The following CSMD1 variants were observed in gnomAD, a reference collection of about 807,000 sequenced individuals.
The protein encoded by CSMD1 is CUB and Sushi multiple domains 1, also known as CUB and sushi domain-containing protein 1.
In CSMD1, 213 loss-of-function variants were observed where a neutral mutation model predicts 417.5. That is an observed-to-expected ratio of 0.51 (90% CI 0.46 to 0.57). The LOEUF (loss-of-function observed/expected upper bound fraction) is 0.57, where lower values mean the gene tolerates loss of function less well. Ranked by LOEUF, CSMD1 falls within the 20% of genes least tolerant of loss-of-function variation. The pLI is 0.00. For synonymous variants in CSMD1, 2,862 were observed against 1,736.8 expected (o/e 1.65, Z -16.11); for missense variants, 6,923 against 4,529.7 (o/e 1.53, Z -15.17).
Position 3,348,840 on chromosome 8 carries a change from C to A in CSMD1, c.3305-679G>T, listed in dbSNP as rs577295297. 5.9e-5 allele frequency among the ~76,000 whole-genome samples: 9 copies of A among 152,340 alleles called. No homozygotes were observed. In the South Asian group the frequency reaches 6.2e-4, roughly 11 times the overall value. ...GGTAAAAGTGAAAATACATACAACT[C>A]TCTACTTTCTGTCAACCTGGAGAAA... On this transcript the variant is annotated intron_variant, in intron 21 of 69. Coordinates refer to ENST00000635120, the MANE Select transcript of CSMD1 (RefSeq NM_033225.6).
chr8:4,905,736 C>T (rs577735402), intron 1 of CSMD1, among the ~76,000 whole-genome samples: 234 of 144,846 alleles, frequency 1.6e-3, no homozygotes, highest in Admixed American at 9.4e-3. Context: ...AGGAGAATGG[C>T]GTGAAACCGG....
At chr8:4,506,849 T>C (rs1802551824) in intron 2 of CSMD1, among the ~76,000 whole-genome samples, 1 of 152,248 alleles carries the variant, frequency 6.6e-6, no homozygotes, top group Non-Finnish European at 1.5e-5. Flanking sequence ...CCATGTCTTA[T>C]ATTTGTACGA....
chr8:4,891,777 C>G (rs1243359144), intron 1 of CSMD1, among the ~76,000 whole-genome samples: 1 of 152,046 alleles, frequency 6.6e-6, no homozygotes, highest in Admixed American at 6.5e-5. Context: ...TTCAGTCAAG[C>G]AATTATTTAG....
At chr8:4,158,949 C>T (rs1584930349) in intron 3 of CSMD1, among the ~76,000 whole-genome samples, 1 of 152,176 alleles carries the variant, frequency 6.6e-6, no homozygotes. Context: ...CAGTTTCACT[C>T]TTGTTGCCCA....
chr8:4,277,686 G>A (rs150211463), intron 3 of CSMD1, among the ~76,000 whole-genome samples: 1 of 152,090 alleles, frequency 6.6e-6, no homozygotes, highest in Non-Finnish European at 1.5e-5. Context: ...ACAAGCGACA[G>A]AATTTAAGAA....
intron 1 of CSMD1, among the ~76,000 whole-genome samples, chr8:4,845,373 T>C (rs1004113298): frequency 2.6e-5 from 4 of 152,214 alleles, no homozygotes; most frequent in African/African-American, 4.8e-5. Flanking sequence ...ACACACACCA[T>C]ACATGGGATG....
At chr8:3,832,571 C>G (rs529334624) in intron 5 of CSMD1, among the ~76,000 whole-genome samples, 5 of 151,788 alleles carry the variant, frequency 3.3e-5, no homozygotes, top group Non-Finnish European at 5.9e-5. Flanking sequence ...CATTTCAAGA[C>G]GTAAAAAAAC....
chr8:4,940,678 A>T (rs4621821), intron 1 of CSMD1, among the ~76,000 whole-genome samples: 76,172 of 151,816 alleles, frequency 0.5, 20,288 homozygotes, highest in East Asian at 0.79. Flanking sequence ...ACAAACCAAT[A>T]CCTTACAAGA....
intron 1 of CSMD1, among the ~76,000 whole-genome samples, chr8:4,903,096 T>G (rs1805002279): frequency 6.6e-6 from 1 of 151,994 alleles, no homozygotes; most frequent in South Asian, 2.1e-4. Context: ...AGCCATACAC[T>G]GTTCCACTGA....
At chr8:2,967,459 C>T (rs1804064991) in intron 57 of CSMD1, among the ~76,000 whole-genome samples, 1 of 152,206 alleles carries the variant, frequency 6.6e-6, no homozygotes, top group Admixed American at 6.5e-5. Flanking sequence ...ATTTTTTACG[C>T]TCTTTAGTCA....
chr8:4,507,768 C>G (rs964095856), intron 2 of CSMD1, among the ~76,000 whole-genome samples: 2 of 152,114 alleles, frequency 1.3e-5, no homozygotes, highest in Non-Finnish European at 1.5e-5. Flanking sequence ...TGATGATTGT[C>G]TATAAGAGTT....
At chr8:4,592,978 G>A (rs549339747) in intron 2 of CSMD1, among the ~76,000 whole-genome samples, 46 of 152,184 alleles carry the variant, frequency 3.0e-4, no homozygotes, top group African/African-American at 1.1e-3. Flanking sequence ...TGTTTTCTCA[G>A]GCTTTCCTGT....
intron 2 of CSMD1, among the ~76,000 whole-genome samples, chr8:4,459,701 G>T (rs529248381): frequency 1.3e-5 from 2 of 152,164 alleles, no homozygotes; most frequent in Non-Finnish European, 2.9e-5. Flanking sequence ...ATGGAGCCCA[G>T]AGCAAGTTCA....
chr8:3,101,848 C>A (rs1385922924), intron 46 of CSMD1, among the ~76,000 whole-genome samples: 3 of 134,756 alleles, frequency 2.2e-5, no homozygotes, highest in East Asian at 2.3e-4. Flanking sequence ...GTCGCTCAGG[C>A]TGGAGTGCAG....
rs370372371 is a variant in CSMD1, at chr8:3,987,219, C to CGCACTCTT, written c.818+10676_818+10683dup. On this transcript the variant is annotated intron_variant, in intron 5 of 69. Transcript: ENST00000635120. ...ACACACCGTGCCCACAACAGCAGCA[C>CGCACTCTT]GCACTCTTCCTGTGAACATGCTTCC... is the stretch of plus-strand genomic sequence containing the variant. Among the ~76,000 whole-genome samples, 700 of 152,286 alleles carry CGCACTCTT rather than the reference C, an allele frequency of 4.6e-3. 6 individuals are homozygous for CGCACTCTT. Among genetic ancestry groups the CGCACTCTT allele is most frequent in the African/African-American group, 0.015 (637 of 41,562 alleles).
intron 26 of CSMD1, among the ~76,000 whole-genome samples, chr8:3,279,552 C>T (rs1172650667): frequency 6.6e-6 from 1 of 152,054 alleles, no homozygotes; most frequent in African/African-American, 2.4e-5. Context: ...TTGAGAGTTT[C>T]TTGCCTAAGG....
chr8:4,190,321 A>G (rs575208410), intron 3 of CSMD1, among the ~76,000 whole-genome samples: 47 of 151,360 alleles, frequency 3.1e-4, no homozygotes, highest in African/African-American at 9.9e-4. Context: ...TCTAAGCCCT[A>G]TCACTGAAGT....
intron 3 of CSMD1, among the ~76,000 whole-genome samples, chr8:4,333,183 G>T (rs766557672): frequency 6.6e-6 from 1 of 152,084 alleles, no homozygotes; most frequent in Non-Finnish European, 1.5e-5. Flanking sequence ...CGCAAGTTGG[G>T]ATATCATGCC....
intron 1 of CSMD1, among the ~76,000 whole-genome samples, chr8:4,881,208 A>G (rs890626741): frequency 2.6e-5 from 4 of 152,100 alleles, no homozygotes; most frequent in African/African-American, 9.7e-5. Flanking sequence ...AAAATAAATT[A>G]TACATAGGTC....
Sources: allele counts gnomAD v4.1 joint callset (sites outside exome capture counted in the v4.1 genomes callset), GRCh38; gene constraint gnomAD v4.1.1; transcripts MANE v1.5; gene names NCBI Gene and HGNC (gene_info 2026-07-23, HGNC 2026-07-21).